Variants in MON1A observed in about 807,000 individuals in gnomAD.
MON1A encodes the protein MON1 vesicular trafficking associated A.
A neutral mutation model predicts 44.6 loss-of-function variants in MON1A; 29 were observed. That is an observed-to-expected ratio of 0.65 (90% confidence interval 0.48 to 0.89). MON1A has a LOEUF of 0.89. Ranked by LOEUF, MON1A falls within the 40% of genes least tolerant of loss-of-function variation. The pLI, the probability that MON1A is intolerant of heterozygous loss-of-function variation, is 0.00. For synonymous variants in MON1A, 275 were observed against 316.4 expected (o/e 0.87, Z 1.39); for missense variants, 615 against 759.6 (o/e 0.81, Z 2.24).
chr3:49,926,799 G>A (rs1575481658), intron 1 of MON1A, among the ~76,000 whole-genome samples: 1 of 145,972 alleles, frequency 6.9e-6, no homozygotes, highest in Non-Finnish European at 1.5e-5. Flanking sequence ...TTTTTTTTGA[G>A]ATGGAGTCTC....
At position 49,909,297 on chromosome 3, in the gene MON1A, T is replaced by C. The variant is rs1384425206; in HGVS notation, c.1483A>G (p.Lys495Glu). The change falls in exon 5 of 6, where the codon AAG (lysine) becomes GAG (glutamate). Residue 495 changes from lysine (K) to glutamate (E), a missense_variant. By Grantham distance (56) the Lys-to-Glu change is moderately conservative. Transcript: ENST00000296473. The surrounding 1 kb of genome is among the most constrained non-coding windows in gnomAD (Gnocchi z 4.0). ...TTGGGGCCCGTGTAGTAAATGGTCTTGAGTGGGCGAGAGGCATTGTGGGCA... is the reference window on the plus strand; with the variant it reads ...TTGGGGCCCGTGTAGTAAATGGTCTCGAGTGGGCGAGAGGCATTGTGGGCA... ...SRAHNASRPL[K>E]TIYYTGPNEN... The C allele has an allele frequency of 1.2e-6, 2 of 1,613,910 alleles. No individual in the cohort carries two copies. Among genetic ancestry groups the C allele is most frequent in the Non-Finnish European group, 8.5e-7 (1 of 1,179,978 alleles).
At chr3:49,918,665 G>A (rs144446498) in intron 1 of MON1A, among the ~76,000 whole-genome samples, 1 of 151,994 alleles carries the variant, frequency 6.6e-6, no homozygotes, top group African/African-American at 2.4e-5. Flanking sequence ...ACCCGCCTCA[G>A]TCCCCCAAAG....
intron 1 of MON1A, among the ~76,000 whole-genome samples, chr3:49,921,903 C>T (rs994648660): frequency 4.6e-5 from 7 of 151,776 alleles, no homozygotes; most frequent in Non-Finnish European, 7.4e-5. Flanking sequence ...TTTGGGAGGC[C>T]GAGGTGGGTG....
Position 49,911,209 on chromosome 3 carries a change from G to GATAGATAGATAGATGATAGATAC in MON1A, c.613+316_613+317insGTATCTATCATCTATCTATCTAT, listed in dbSNP as rs2082876593. 5.7e-5 allele frequency among the ~76,000 whole-genome samples: 5 copies of GATAGATAGATAGATGATAGATAC among 87,306 alleles called. No homozygotes were observed. Among genetic ancestry groups the GATAGATAGATAGATGATAGATAC allele is most frequent in the African/African-American group, 1.5e-4 (3 of 20,574 alleles). 57.3% of individuals were successfully genotyped at this position (87,306 alleles called of 152,430 possible). A position where few individuals can be genotyped will look rare whatever the true frequency, so the allele number is the denominator to read the frequency against. Reference sequence around the variant, plus strand: ...GATAGATTAGATAGATAGATAGATAGATAGATAGATAGATAGATAGATAGA... The same window carrying GATAGATAGATAGATGATAGATAC: ...GATAGATTAGATAGATAGATAGATAGATAGATAGATAGATGATAGATACATAGATAGATAGATAGATAGATAGA... On this transcript the variant is annotated intron_variant, in intron 3 of 5. Transcript: ENST00000296473. This position sits in a 1 kb window ranked among gnomAD's most constrained non-coding sequence, Gnocchi z 5.7.
chr3:49,912,665 C>T (rs2082900119), intron 2 of MON1A: 1 of 220,594 alleles, frequency 4.5e-6, no homozygotes, highest in African/African-American at 2.3e-5. Flanking sequence ...ACTGACCCCA[C>T]TATAATGGCG....
In MON1A at chr3:49,914,502, T is replaced by C. The variant is rs146464971; in HGVS notation, c.-13-1143A>G. On this transcript the variant is annotated intron_variant, in intron 1 of 5. Coordinates refer to ENST00000296473, the MANE Select transcript of MON1A (RefSeq NM_032355.4). ...CATCCTCCCACCTCAGCCTCCTGAATAGCTGGGACTACAAGCACATGCCAC... is the reference window on the plus strand; with the variant it reads ...CATCCTCCCACCTCAGCCTCCTGAACAGCTGGGACTACAAGCACATGCCAC... 3.0e-3 allele frequency among the ~76,000 whole-genome samples: 452 copies of C among 151,142 alleles called. 2 individuals carry two copies. The highest frequency in any genetic ancestry group is 0.011 in the African/African-American group (442 of 41,120).
rs775413368 is a variant in MON1A, at chr3:49,913,076, C to T, written c.127+144G>A. 11 of 1,124,134 alleles carry T rather than the reference C, an allele frequency of 9.8e-6. No individual in the cohort carries two copies. In the Middle Eastern group the frequency reaches 9.6e-4, roughly 98 times the overall value. The allele number at this position is 1,124,134 out of a possible 1,614,324, so 69.6% of individuals were successfully genotyped here. Reference sequence around the variant, plus strand: ...GATGCAGAATGAGCCTGGCCTCCTGCCTTATCCCCAGAACCTGACAAATAT... The same window carrying T: ...GATGCAGAATGAGCCTGGCCTCCTGTCTTATCCCCAGAACCTGACAAATAT... On this transcript the variant is annotated intron_variant, in intron 2 of 5. Coordinates refer to ENST00000296473, the MANE Select transcript of MON1A (RefSeq NM_032355.4).
Position 49,911,644 on chromosome 3 carries a change from C to G in MON1A, c.495G>C (p.Gly165=), listed in dbSNP as rs201267199. The G allele has an allele frequency of 1.5e-5, 25 of 1,614,050 alleles. No homozygotes were observed. Among genetic ancestry groups the G allele is most frequent in the Non-Finnish European group, 2.1e-5 (25 of 1,179,992 alleles). ...QKHVFVLSEA[G]KPVYSRYGSE... is the part of the protein sequence containing the mutation. ...ACCCATAGCGGGAGTACACAGGCTT[C>G]CCTGCCTCACTCAGCACAAAGACAT... Residue 165 remains glycine, a synonymous_variant, in exon 3 of 6, where the codon GGG becomes GGC. Transcript: ENST00000296473. This position sits in a 1 kb window ranked among gnomAD's most constrained non-coding sequence, Gnocchi z 5.7.
intron 1 of MON1A, among the ~76,000 whole-genome samples, chr3:49,918,434 CAG>C (rs1436587776): frequency 5.3e-5 from 8 of 150,056 alleles, no homozygotes; most frequent in Non-Finnish European, 8.9e-5. Flanking sequence ...TTTTTTGAGA[CAG>C]AGTCTCACTC....
Position 49,912,006 on chromosome 3 carries a change from C to G in MON1A, c.133G>C (p.Gly45Arg). The G allele has an allele frequency of 6.4e-7, 1 of 1,570,848 alleles. No individual in the cohort carries two copies. Among genetic ancestry groups the G allele is most frequent in the African/African-American group, 1.4e-5 (1 of 73,924 alleles). Residue 45 changes from glycine to arginine, a missense_variant, in exon 3 of 6, where the codon GGC becomes CGC. By Grantham distance (125) the Gly-to-Arg change is moderately radical (BLOSUM62 -2). Coordinates refer to ENST00000296473, the MANE Select transcript of MON1A (RefSeq NM_032355.4). The part of the protein sequence containing the change: ...GMAQGMEPGA[G>R]QEGAMFVHAR... ...TGGACGAACATGGCACCCTCCTGGC[C>G]CGCACCTGCAGGCCAAAAGCACTGG...
chr3:49,921,962 A>G (rs1461914485), intron 1 of MON1A, among the ~76,000 whole-genome samples: 1 of 150,400 alleles, frequency 6.6e-6, no homozygotes, highest in Non-Finnish European at 1.5e-5. Context: ...ACATGGTGAA[A>G]CCCCATCTCT....
At position 49,909,573 on chromosome 3, in the gene MON1A, G is replaced by A; in HGVS notation, c.1380-173C>T. 1.2e-6 allele frequency: 1 copy of A among 802,838 alleles called. No individual in the cohort carries two copies. Among genetic ancestry groups the A allele is most frequent in the Non-Finnish European group, 1.9e-6 (1 of 520,446 alleles). The allele number at this position is 802,838 out of a possible 1,614,324, so 49.7% of individuals were successfully genotyped here. A position where few individuals can be genotyped will look rare whatever the true frequency, so the allele number is the denominator to read the frequency against. ...CACCATAGCAGGCACCCCAGGACAG[G>A]GCTGGGCCCACTGAGACTAGAGCTA... On this transcript the variant is annotated intron_variant, in intron 4 of 5. Coordinates refer to ENST00000296473, the MANE Select transcript of MON1A (RefSeq NM_032355.4). This position sits in a 1 kb window ranked among gnomAD's most constrained non-coding sequence, Gnocchi z 4.0.
At chr3:49,912,743 A>G (rs544867509) in intron 2 of MON1A, 5 of 240,520 alleles carry the variant, frequency 2.1e-5, no homozygotes, top group African/African-American at 9.1e-5. Flanking sequence ...TTGACAAAAT[A>G]GTTTAACAGA....
chr3:49,924,907 C>T (rs934897063), intron 1 of MON1A, among the ~76,000 whole-genome samples: 53 of 152,152 alleles, frequency 3.5e-4, no homozygotes, highest in African/African-American at 1.2e-3. Flanking sequence ...GGAAGCAGAT[C>T]ATCTAGGCCC....
Position 49,911,566 on chromosome 3 carries a change from G to A in MON1A, c.573C>T (p.Phe191=), listed in dbSNP as rs779050211. 6.2e-7 allele frequency: 1 copy of A among 1,613,626 alleles called. No homozygotes were observed. The highest frequency in any genetic ancestry group is 1.1e-5 in the South Asian group (1 of 91,064). The change falls in exon 3 of 6, where the codon TTC becomes TTT. Residue 191 remains phenylalanine, a synonymous_variant. Coordinates refer to ENST00000296473, the MANE Select transcript of MON1A (RefSeq NM_032355.4). The surrounding 1 kb of genome is among the most constrained non-coding windows in gnomAD (Gnocchi z 5.7). ...TMGVMVALVS[F]LEADKNAIRS... ...GGATGGCGTTCTTGTCTGCCTCCAG[G>A]AAGGACACCAGGGCCACCATAACAC... is the stretch of plus-strand genomic sequence containing the variant.
chr3:49,920,555 CCTGGCCAGGCGTGGTGGCTCTCA>C (rs1470226408), intron 1 of MON1A: 1 of 152,152 alleles, frequency 6.6e-6, no homozygotes, highest in Non-Finnish European at 1.5e-5. Context: ...AAGGCCATCT[CCTGGCCAGGCGTGGTGGCTCTCA>C]CCTGTAATCC....
rs1195789841 is a variant in MON1A at position 49,911,423 on chromosome 3, TCA to T, written c.613+101_613+102del. 11 of 1,475,234 alleles carry T rather than the reference TCA, an allele frequency of 7.5e-6. No individual in the cohort carries two copies. The South Asian group carries it at 9.5e-5, about 13-fold the overall frequency. The allele number at this position is 1,475,234 out of a possible 1,614,324, so 91.4% of individuals were successfully genotyped here. A position where few individuals can be genotyped will look rare whatever the true frequency, so the allele number is the denominator to read the frequency against. ...GAGAGGTAGAGGGACTTACCCTCAG[TCA>T]CACAGCACATCCCAGCCCTCTGGTC... On this transcript the variant is annotated intron_variant, in intron 3 of 5. Transcript: ENST00000296473. This position sits in a 1 kb window ranked among gnomAD's most constrained non-coding sequence, Gnocchi z 5.7.
At position 49,929,650 on chromosome 3, in the gene MON1A, C is replaced by T. The variant is rs759303301; in HGVS notation, c.-55G>A. 206 of 1,551,360 alleles carry T rather than the reference C, an allele frequency of 1.3e-4. No homozygotes were observed. Among genetic ancestry groups the T allele is most frequent in the Non-Finnish European group, 1.8e-4 (203 of 1,146,938 alleles). On this transcript the variant is annotated 5_prime_UTR_variant, in exon 1 of 6. It removes the in-frame stop codon of an upstream open reading frame in the 5' UTR. Coordinates refer to ENST00000296473, the MANE Select transcript of MON1A (RefSeq NM_032355.4). ...TCCAGGACGCACAGAAGGTGCCGGT[C>T]ACTGCCCTCTGCCGGACCCATGGAG...
At chr3:49,929,588 G>A in intron 1 of MON1A, 21 bp downstream of exon 1, 11 of 1,551,354 alleles carry the variant, frequency 7.1e-6, no homozygotes, top group Non-Finnish European at 9.6e-6. Flanking sequence ...TCCAGGCCAC[G>A]TGGGCTGGCA....
Sources: allele counts gnomAD v4.1 joint callset (sites outside exome capture counted in the v4.1 genomes callset), GRCh38; gene constraint gnomAD v4.1.1; non-coding constraint Gnocchi (gnomAD v3.1); transcripts MANE v1.5; gene names NCBI Gene and HGNC (gene_info 2026-07-23, HGNC 2026-07-21).